VEPH1: variants seen among roughly 807,000 people sequenced by gnomAD.
VEPH1 encodes ventricular zone expressed PH domain containing 1.
VEPH1 carries 80 observed loss-of-function variants against 85.2 expected under a neutral mutation model. The ratio of observed to expected loss-of-function variants is 0.94; its 90% CI spans 0.78 to 1.13. VEPH1 has a LOEUF of 1.13. Ranked by LOEUF, VEPH1 falls within the 50% of genes most tolerant of loss-of-function variation. The probability of loss-of-function intolerance (pLI) is 0.00; values close to 1 mark genes in which losing one functional copy is unlikely to be tolerated. For missense variants in VEPH1, 955 were observed against 980.5 expected (o/e 0.97, Z 0.35); for synonymous variants, 297 against 348.0 (o/e 0.85, Z 1.63).
chr3:157,334,063 T>C (rs763009854), intron 9 of VEPH1, among the ~76,000 whole-genome samples: 2 of 152,182 alleles, frequency 1.3e-5, no homozygotes, highest in Non-Finnish European at 2.9e-5. Context: ...GACCTCCACA[T>C]AGTGTATATC....
At chr3:157,483,976 A>C (rs1446498416) in intron 2 of VEPH1, among the ~76,000 whole-genome samples, 1 of 152,182 alleles carries the variant, frequency 6.6e-6, no homozygotes, top group Non-Finnish European at 1.5e-5. Flanking sequence ...AAAACCCTCA[A>C]ACTCACAAAA....
At chr3:157,352,150 T>C (rs1271634363) in intron 9 of VEPH1, among the ~76,000 whole-genome samples, 1 of 152,230 alleles carries the variant, frequency 6.6e-6, no homozygotes, top group Non-Finnish European at 1.5e-5. Context: ...ATGGACACTG[T>C]AGATTTTTAA....
At position 157,284,668 on chromosome 3, in the gene VEPH1, G is replaced by GAA. The variant is rs71760872; in HGVS notation, c.2128+1887_2128+1888dup. ...TATCCAGGGAGTCAAGGGTTTTGGT[G>GAA]AAAAAAAAAAAAAACAGTTTAAAAT... On this transcript the variant is annotated intron_variant, in intron 12 of 13. Coordinates refer to ENST00000362010, the MANE Select transcript of VEPH1 (RefSeq NM_001167912.2). Among the ~76,000 whole-genome samples the GAA allele has an allele frequency of 1.5e-3, 220 of 142,176 alleles. 2 individuals carry two copies. Among genetic ancestry groups the GAA allele is most frequent in the African/African-American group, 5.5e-3 (209 of 37,836 alleles). The allele number at this position is 142,176 out of a possible 152,430, so 93.3% of individuals were successfully genotyped here. A position where few individuals can be genotyped will look rare whatever the true frequency, so the allele number is the denominator to read the frequency against.
At chr3:157,264,693 T>C (rs1257813856) in intron 13 of VEPH1, among the ~76,000 whole-genome samples, 1 of 152,186 alleles carries the variant, frequency 6.6e-6, no homozygotes, top group East Asian at 1.9e-4. Context: ...ATAATAGCAG[T>C]GGTGGCCTAA....
At chr3:157,458,942 G>A (rs1453064011) in intron 4 of VEPH1, among the ~76,000 whole-genome samples, 1 of 152,132 alleles carries the variant, frequency 6.6e-6, no homozygotes, top group Non-Finnish European at 1.5e-5. Flanking sequence ...TAGGTGTGCA[G>A]CTTTATTTCT....
At chr3:157,484,422 A>T (rs1008262662) in intron 2 of VEPH1, among the ~76,000 whole-genome samples, 5 of 152,236 alleles carry the variant, frequency 3.3e-5, no homozygotes, top group Admixed American at 3.3e-4. Context: ...TTGCCTCACC[A>T]TGCTGAGTAA....
intron 7 of VEPH1, among the ~76,000 whole-genome samples, chr3:157,377,419 C>T (rs1385896227): frequency 6.6e-6 from 1 of 151,190 alleles, no homozygotes; most frequent in Non-Finnish European, 1.5e-5. Context: ...ACCTACATAT[C>T]TCCTAAATTC....
chr3:157,398,268 A>G (rs1289257503), intron 6 of VEPH1, among the ~76,000 whole-genome samples: 2 of 152,184 alleles, frequency 1.3e-5, no homozygotes, highest in Admixed American at 1.3e-4. Context: ...TTCAGGTCAC[A>G]TACAAATTTG....
At chr3:157,403,199 A>C (rs1273605826) in intron 6 of VEPH1, among the ~76,000 whole-genome samples, 3 of 152,152 alleles carry the variant, frequency 2.0e-5, no homozygotes, top group Non-Finnish European at 4.4e-5. Context: ...GTCAAATCCT[A>C]TAGGGAGTTC....
intron 7 of VEPH1, among the ~76,000 whole-genome samples, chr3:157,368,262 A>G (rs1272444782): frequency 6.6e-6 from 1 of 152,108 alleles, no homozygotes; most frequent in Non-Finnish European, 1.5e-5. Flanking sequence ...GTGACCAGAT[A>G]TTGGTTAGCA....
chr3:157,460,494 T>C, intron 3 of VEPH1, 139 bp from the exon 4 acceptor site: 1 of 1,158,278 alleles, frequency 8.6e-7, no homozygotes, highest in South Asian at 1.7e-5. Flanking sequence ...CTGTTTATAT[T>C]GTATTTGGGA....
intron 9 of VEPH1, among the ~76,000 whole-genome samples, chr3:157,349,105 C>A (rs984848491): frequency 3.3e-5 from 5 of 152,172 alleles, no homozygotes; most frequent in Admixed American, 1.3e-4. Flanking sequence ...AGGCCAATAT[C>A]CCTGATGAAG....
At chr3:157,289,198 T>C (rs1383134770) in intron 11 of VEPH1, among the ~76,000 whole-genome samples, 2 of 152,226 alleles carry the variant, frequency 1.3e-5, no homozygotes, top group African/African-American at 4.8e-5. Flanking sequence ...TCCCACACAA[T>C]TAAGGATCAA....
intron 4 of VEPH1, among the ~76,000 whole-genome samples, chr3:157,451,303 A>G (rs957806289): frequency 6.6e-6 from 1 of 152,184 alleles, no homozygotes. Context: ...CTATCCCCTT[A>G]ACTTTTAAGT....
At chr3:157,351,314 C>T (rs571566609) in intron 9 of VEPH1, among the ~76,000 whole-genome samples, 4 of 152,194 alleles carry the variant, frequency 2.6e-5, no homozygotes, top group Admixed American at 6.5e-5. Flanking sequence ...GGAGTGGTAG[C>T]GCACACCTGT....
intron 2 of VEPH1, among the ~76,000 whole-genome samples, chr3:157,481,266 A>C (rs1184489720): frequency 6.6e-6 from 1 of 151,958 alleles, no homozygotes; most frequent in African/African-American, 2.4e-5. Context: ...CTTTGTTGAT[A>C]GTTTCTTTTG....
At chr3:157,371,176 C>A (rs1336416872) in intron 7 of VEPH1, among the ~76,000 whole-genome samples, 1 of 152,172 alleles carries the variant, frequency 6.6e-6, no homozygotes, top group African/African-American at 2.4e-5. Flanking sequence ...CCTCTTACTG[C>A]AGTATCTTAA....
intron 13 of VEPH1, among the ~76,000 whole-genome samples, chr3:157,262,979 G>A (rs1306001915): frequency 6.6e-6 from 1 of 152,162 alleles, no homozygotes; most frequent in Non-Finnish European, 1.5e-5. Flanking sequence ...GATGGACAGT[G>A]AATCAACTGA....
In VEPH1 at chr3:157,495,334, TG is replaced by T. The variant is rs1333764391; in HGVS notation, c.15del (p.Phe5LeufsTer19). 2 of 1,613,896 alleles carry T rather than the reference TG, an allele frequency of 1.2e-6. No homozygotes were observed. The highest frequency in any genetic ancestry group is 2.7e-5 in the African/African-American group (2 of 74,936). ...AGATCTTTTTGTCCCAAAACCAGTC[TG>T]AACAGTTGATGCATGGTGAGGATGA... is the stretch of plus-strand genomic sequence containing the variant. MHQL[F>X]RLVLGQKDLS... On this transcript the variant is annotated frameshift_variant, in exon 2 of 14. Coordinates refer to ENST00000362010, the MANE Select transcript of VEPH1 (RefSeq NM_001167912.2). LOFTEE classifies it high-confidence loss of function.
Sources: gnomAD v4.1 joint callset for allele counts (sites outside exome capture counted in the v4.1 genomes callset) on GRCh38, gnomAD v4.1.1 for gene constraint, MANE v1.5 for transcripts, NCBI Gene and HGNC (gene_info 2026-07-23, HGNC 2026-07-21) for gene names.